Variants in USP34 observed in about 807,000 individuals in gnomAD.
USP34 encodes the protein ubiquitin specific peptidase 34.
Under a neutral mutation model 460.3 loss-of-function variants are expected in USP34, and 70 were observed. The observed-to-expected ratio is 0.15, with a 90% CI of 0.13 to 0.19. The LOEUF (loss-of-function observed/expected upper bound fraction) is 0.19. USP34 is among the 10% of genes least tolerant of loss of function. The pLI is 1.00. For missense variants in USP34, 3,985 were observed against 4,236.2 expected (o/e 0.94, Z 1.65); for synonymous variants, 1,647 against 1,405.3 (o/e 1.17, Z -3.85).
intron 67 of USP34, among the ~76,000 whole-genome samples, chr2:61,215,545 T>C (rs138456398): frequency 1.3e-5 from 2 of 152,280 alleles, no homozygotes; most frequent in East Asian, 3.9e-4. Flanking sequence ...GCAGTTACTA[T>C]CAACAAAGCA....
At chr2:61,311,495 AG>A (rs374678608) in intron 27 of USP34, 44 bp downstream of exon 27, 79 of 318,186 alleles carry the variant, frequency 2.5e-4, no homozygotes, top group African/African-American at 3.5e-4. Context: ...AGAAAAAGAA[AG>A]AAAGAGAGAA....
At chr2:61,365,589 A>G (rs1366237438) in intron 10 of USP34, among the ~76,000 whole-genome samples, 1 of 152,170 alleles carries the variant, frequency 6.6e-6, no homozygotes, top group Non-Finnish European at 1.5e-5. Flanking sequence ...TGAAATCCAT[A>G]AGAATAAATA....
intron 41 of USP34, among the ~76,000 whole-genome samples, chr2:61,277,469 T>C (rs1217577989): frequency 6.6e-6 from 1 of 152,218 alleles, no homozygotes; most frequent in East Asian, 1.9e-4. Flanking sequence ...ACTCCTGGTT[T>C]CAAGCAATCC....
intron 30 of USP34, among the ~76,000 whole-genome samples, chr2:61,295,498 A>G (rs566156385): frequency 3.3e-5 from 5 of 152,328 alleles, no homozygotes; most frequent in Admixed American, 2.0e-4. Flanking sequence ...AATAAACCCA[A>G]TAAAATTCAT....
rs888156481 is a variant in USP34 at position 61,461,965 on chromosome 2, C to T, written c.43+8685G>A. 2.0e-5 allele frequency among the ~76,000 whole-genome samples: 3 copies of T among 152,076 alleles called. No individual in the cohort carries two copies. In the South Asian group the frequency reaches 6.2e-4, roughly 32 times the overall value. ...ATACAAAAACATGTTTTCAGCCAGA[C>T]GCGGTGGCTCACACCTGTAGTCACA... is the stretch of plus-strand genomic sequence containing the variant. On this transcript the variant is annotated intron_variant, in intron 1 of 79. Transcript: ENST00000398571.
intron 27 of USP34, among the ~76,000 whole-genome samples, chr2:61,304,748 A>C (rs1245784466): frequency 1.3e-5 from 2 of 152,256 alleles, no homozygotes; most frequent in Non-Finnish European, 2.9e-5. Context: ...AGTTTTATAT[A>C]GCACGCTGGA....
At chr2:61,335,122 A>G (rs1318756867) in intron 18 of USP34, among the ~76,000 whole-genome samples, 2 of 152,248 alleles carry the variant, frequency 1.3e-5, no homozygotes, top group Non-Finnish European at 1.5e-5. Context: ...AATAAAACAC[A>G]GAATGGGAAA....
At chr2:61,334,468 T>C (rs572932549) in intron 18 of USP34, among the ~76,000 whole-genome samples, 6 of 152,124 alleles carry the variant, frequency 3.9e-5, no homozygotes, top group Admixed American at 1.3e-4. Flanking sequence ...ACAGGACAGA[T>C]ACTGACATAG....
intron 75 of USP34, among the ~76,000 whole-genome samples, chr2:61,201,711 A>C (rs949031383): frequency 6.6e-6 from 1 of 152,236 alleles, no homozygotes; most frequent in Admixed American, 6.5e-5. Flanking sequence ...TTGGGTTGAC[A>C]AGACAACCCA....
intron 75 of USP34, among the ~76,000 whole-genome samples, chr2:61,195,409 C>T (rs555198943): frequency 6.6e-6 from 1 of 151,164 alleles, no homozygotes; most frequent in East Asian, 2.0e-4. Context: ...CATAGTGGCT[C>T]ATGCCTGTAA....
chr2:61,195,371 A>G (rs1361780598), intron 75 of USP34, among the ~76,000 whole-genome samples: 1 of 151,228 alleles, frequency 6.6e-6, no homozygotes, highest in Non-Finnish European at 1.5e-5. Context: ...AAGGTTAAAA[A>G]AAAAAAAAAA....
intron 27 of USP34, among the ~76,000 whole-genome samples, chr2:61,301,919 T>C (rs945963504): frequency 6.6e-6 from 1 of 151,190 alleles, no homozygotes; most frequent in African/African-American, 2.4e-5. Context: ...ATATTTGTTA[T>C]CTGGGAAGGG....
intron 18 of USP34, among the ~76,000 whole-genome samples, chr2:61,335,877 A>G (rs1691400607): frequency 6.6e-6 from 1 of 152,222 alleles, no homozygotes; most frequent in Non-Finnish European, 1.5e-5. Context: ...CCAAAAGCTT[A>G]TGACTATGCA....
chr2:61,329,090 C>T (rs775809393), intron 20 of USP34, among the ~76,000 whole-genome samples: 8 of 152,148 alleles, frequency 5.3e-5, no homozygotes, highest in Non-Finnish European at 1.0e-4. Context: ...GGTGCGAGCT[C>T]GGCTCACTGC....
intron 1 of USP34, among the ~76,000 whole-genome samples, chr2:61,443,885 TGGA>T (rs1223595766): frequency 6.6e-6 from 1 of 152,110 alleles, no homozygotes; most frequent in Admixed American, 6.6e-5. Flanking sequence ...ATGTTGATAA[TGGA>T]GGAGGCTTCG....
Position 61,339,662 on chromosome 2 carries a change from A to C in USP34, c.2520T>G (p.His840Gln). The C allele has an allele frequency of 6.6e-7, 1 of 1,514,616 alleles. No individual in the cohort carries two copies. Among genetic ancestry groups the C allele is most frequent in the Admixed American group, 2.3e-5 (1 of 42,960 alleles). The allele number at this position is 1,514,616 out of a possible 1,614,324, so 93.8% of individuals were successfully genotyped here. ...HLSQGPVVHK[H>Q]QFNSNAVTDI... Reference sequence around the variant, plus strand: ...CTGTAACAGCATTACTGTTGAATTGATGTTTATGAACTACAGGTCCTGAAG... The same window carrying C: ...CTGTAACAGCATTACTGTTGAATTGCTGTTTATGAACTACAGGTCCTGAAG... Residue 840 changes from histidine to glutamine, a missense_variant, in exon 17 of 80, where the codon CAT (histidine) becomes CAG (glutamine). Physicochemically the swap from His to Gln is conservative, Grantham distance 24. Coordinates refer to ENST00000398571, the MANE Select transcript of USP34 (RefSeq NM_014709.4).
At chr2:61,422,390 G>C (rs1327675929) in intron 1 of USP34, among the ~76,000 whole-genome samples, 1 of 152,110 alleles carries the variant, frequency 6.6e-6, no homozygotes, top group Non-Finnish European at 1.5e-5. Flanking sequence ...ATCCTCACCA[G>C]AGGCCCGCCT....
intron 69 of USP34, among the ~76,000 whole-genome samples, chr2:61,209,578 A>C (rs367980899): frequency 2.0e-5 from 3 of 152,366 alleles, no homozygotes; most frequent in African/African-American, 7.2e-5. Flanking sequence ...ACGCTGGTAT[A>C]AACAAACTTG....
chr2:61,377,567 G>A (rs991229227), intron 8 of USP34, among the ~76,000 whole-genome samples: 10 of 152,066 alleles, frequency 6.6e-5, no homozygotes, highest in African/African-American at 2.4e-4. Context: ...AGGGACCCCA[G>A]AGACCTCTCT....
Sources: gnomAD v4.1 joint callset for allele counts (sites outside exome capture counted in the v4.1 genomes callset) on GRCh38, gnomAD v4.1.1 for gene constraint, MANE v1.5 for transcripts, NCBI Gene and HGNC (gene_info 2026-07-23, HGNC 2026-07-21) for gene names.